The following NRXN3 variants were observed in gnomAD, a reference collection of about 807,000 sequenced individuals.
NRXN3 encodes neurexin 3.
A neutral mutation model predicts 137.6 loss-of-function variants in NRXN3; 32 were observed. The ratio of observed to expected loss-of-function variants is 0.23; its 90% CI spans 0.18 to 0.31. The LOEUF (loss-of-function observed/expected upper bound fraction) is 0.31. Ranked by LOEUF, NRXN3 falls within the 10% of genes least tolerant of loss-of-function variation. The probability of loss-of-function intolerance (pLI) is 1.00; values close to 1 mark genes in which losing one functional copy is unlikely to be tolerated. For missense variants in NRXN3, 1,574 were observed against 2,062.5 expected (o/e 0.76, Z 4.59); for synonymous variants, 798 against 784.5 (o/e 1.02, Z -0.29).
intron 4 of NRXN3, among the ~76,000 whole-genome samples, chr14:78,347,386 C>G (rs547350912): frequency 6.6e-6 from 1 of 152,278 alleles, no homozygotes; most frequent in South Asian, 2.1e-4. Context: ...AGGCATACTG[C>G]CTGGGGCTAA....
intron 4 of NRXN3, among the ~76,000 whole-genome samples, chr14:78,627,945 C>T (rs1012221590): frequency 6.6e-6 from 1 of 152,132 alleles, no homozygotes; most frequent in Non-Finnish European, 1.5e-5. Context: ...GCCCTTGGAA[C>T]TCATCCAAAT....
chr14:78,448,454 C>A (rs1410535077), intron 4 of NRXN3, among the ~76,000 whole-genome samples: 1 of 152,158 alleles, frequency 6.6e-6, no homozygotes, highest in Non-Finnish European at 1.5e-5. Flanking sequence ...GGTGGAAAAT[C>A]TGGAAAGAAC....
intron 16 of NRXN3, among the ~76,000 whole-genome samples, chr14:79,655,425 T>G (rs1008068430): frequency 2.0e-5 from 3 of 152,224 alleles, no homozygotes; most frequent in Non-Finnish European, 4.4e-5. Flanking sequence ...AACACAATTT[T>G]AGATCAAATA....
intron 15 of NRXN3, among the ~76,000 whole-genome samples, chr14:79,234,509 C>G (rs1052441184): frequency 1.4e-4 from 21 of 150,394 alleles, no homozygotes; most frequent in Middle Eastern, 3.4e-3. Context: ...CTCAGCCTCC[C>G]GAGTATCTGG....
chr14:79,212,134 C>T (rs2067765541), intron 15 of NRXN3, among the ~76,000 whole-genome samples: 1 of 152,158 alleles, frequency 6.6e-6, no homozygotes, highest in Admixed American at 6.6e-5. Flanking sequence ...TTGGATGTTA[C>T]TATTGTCTCA....
intron 15 of NRXN3, among the ~76,000 whole-genome samples, chr14:79,424,019 A>T (rs895273883): frequency 1.3e-5 from 2 of 152,232 alleles, no homozygotes; most frequent in Non-Finnish European, 2.9e-5. Flanking sequence ...ACTCCTCTTG[A>T]AGTTGACATA....
chr14:79,288,668 C>T (rs535188774), intron 15 of NRXN3, among the ~76,000 whole-genome samples: 99 of 152,308 alleles, frequency 6.5e-4, no homozygotes, highest in African/African-American at 2.4e-3. Context: ...AGTCTGTCAA[C>T]TCAGGAAACA....
chr14:78,253,524 A>C (rs2068986464), intron 2 of NRXN3, among the ~76,000 whole-genome samples: 1 of 152,092 alleles, frequency 6.6e-6, no homozygotes, highest in Non-Finnish European at 1.5e-5. Flanking sequence ...TAATTAAAAA[A>C]ATTAGCCAGG....
At chr14:78,442,321 A>G (rs193270934) in intron 4 of NRXN3, among the ~76,000 whole-genome samples, 89 of 152,086 alleles carry the variant, frequency 5.9e-4, no homozygotes, top group African/African-American at 2.1e-3. Flanking sequence ...GATTTGACAG[A>G]AAGAGGAGGA....
intron 16 of NRXN3, among the ~76,000 whole-genome samples, chr14:79,545,264 A>T (rs979626161): frequency 6.6e-6 from 1 of 152,214 alleles, no homozygotes; most frequent in African/African-American, 2.4e-5. Flanking sequence ...AAGGTGTCAG[A>T]ATTAGAGCAA....
intron 16 of NRXN3, among the ~76,000 whole-genome samples, chr14:79,486,913 TTCTCTC>T (rs58861355): frequency 0.017 from 2,234 of 128,472 alleles, 50 homozygotes; most frequent in East Asian, 0.077. Flanking sequence ...TCTTTACAGG[TTCTCTC>T]TCTCTCTCTC....
chr14:78,494,961 T>G (rs1412439539), intron 4 of NRXN3, among the ~76,000 whole-genome samples: 1 of 152,104 alleles, frequency 6.6e-6, no homozygotes, highest in Non-Finnish European at 1.5e-5. Context: ...TAACTCACTC[T>G]GAAGAAAAGC....
At chr14:79,315,602 A>T (rs1331435702) in intron 15 of NRXN3, among the ~76,000 whole-genome samples, 1 of 152,208 alleles carries the variant, frequency 6.6e-6, no homozygotes, top group Non-Finnish European at 1.5e-5. Flanking sequence ...CAAGTACCAA[A>T]GTGCAGAAAA....
At chr14:79,677,582 G>C (rs1426212246) in intron 17 of NRXN3, among the ~76,000 whole-genome samples, 1 of 152,112 alleles carries the variant, frequency 6.6e-6, no homozygotes, top group Non-Finnish European at 1.5e-5. Context: ...GAGCAATTGA[G>C]CTCTCCTAGA....
intron 15 of NRXN3, among the ~76,000 whole-genome samples, chr14:79,386,913 C>A (rs1187853972): frequency 3.3e-5 from 5 of 152,124 alleles, no homozygotes; most frequent in East Asian, 1.9e-4. Flanking sequence ...AGAAAGCTGA[C>A]ACTGGACCAC....
At chr14:79,179,130 G>A (rs187283525) in intron 15 of NRXN3, among the ~76,000 whole-genome samples, 34 of 152,072 alleles carry the variant, frequency 2.2e-4, no homozygotes, top group African/African-American at 6.5e-4. Context: ...CCTAAAAGAT[G>A]TGCTTCTCTA....
chr14:79,072,971 C>T (rs2099690028), intron 15 of NRXN3, among the ~76,000 whole-genome samples: 1 of 151,648 alleles, frequency 6.6e-6, no homozygotes, highest in South Asian at 2.1e-4. Context: ...CTGCAACCTC[C>T]CCCTCCCAGG....
intron 10 of NRXN3, among the ~76,000 whole-genome samples, chr14:78,883,050 C>T (rs995100371): frequency 6.6e-6 from 1 of 152,038 alleles, no homozygotes; most frequent in African/African-American, 2.4e-5. Flanking sequence ...CTGGTGCCAC[C>T]ATGTGAAGAA....
intron 16 of NRXN3, among the ~76,000 whole-genome samples, chr14:79,626,560 C>A (rs2098283636): frequency 6.6e-6 from 1 of 152,112 alleles, no homozygotes; most frequent in South Asian, 2.1e-4. Context: ...ATCTTTAGAT[C>A]AAAAACTCTT....
Sources: allele counts gnomAD v4.1 joint callset (sites outside exome capture counted in the v4.1 genomes callset), GRCh38; gene constraint gnomAD v4.1.1; transcripts MANE v1.5; gene names NCBI Gene and HGNC (gene_info 2026-07-23, HGNC 2026-07-21).